The following ASTN2 variants were observed in gnomAD, a reference collection of about 807,000 sequenced individuals.
ASTN2 encodes astrotactin 2.
Under a neutral mutation model 139.8 loss-of-function variants are expected in ASTN2, and 54 were observed. That is an observed-to-expected ratio of 0.39 (90% CI 0.31 to 0.48). ASTN2 has a LOEUF of 0.48. ASTN2 is among the 20% of genes least tolerant of loss of function. The pLI, the probability that ASTN2 is intolerant of heterozygous loss-of-function variation, is 0.95. For synonymous variants in ASTN2, 756 were observed against 719.5 expected (o/e 1.05, Z -0.81); for missense variants, 1,565 against 1,725.1 (o/e 0.91, Z 1.64).
intron 5 of ASTN2, among the ~76,000 whole-genome samples, chr9:117,042,435 G>T (rs1219695641): frequency 6.6e-6 from 1 of 152,104 alleles, no homozygotes; most frequent in African/African-American, 2.4e-5. Flanking sequence ...ATGGCTTATG[G>T]TAGGAACTAT....
chr9:117,299,318 T>C (rs932795608), intron 1 of ASTN2, among the ~76,000 whole-genome samples: 14 of 152,196 alleles, frequency 9.2e-5, no homozygotes, highest in African/African-American at 3.4e-4. Flanking sequence ...CAACCTCTTC[T>C]GAGAGCTGGC....
chr9:117,042,014 C>T (rs1305177814), intron 5 of ASTN2, among the ~76,000 whole-genome samples: 1 of 152,122 alleles, frequency 6.6e-6, no homozygotes, highest in Non-Finnish European at 1.5e-5. Context: ...GCGTCTTTTG[C>T]TTACCATTAT....
At chr9:116,448,143 G>A (rs1848061951) in intron 20 of ASTN2, among the ~76,000 whole-genome samples, 1 of 152,296 alleles carries the variant, frequency 6.6e-6, no homozygotes, top group African/African-American at 2.4e-5. Context: ...GGCATTCTGG[G>A]GAGGCAAAAG....
At chr9:117,088,224 T>C (rs1828617685) in intron 5 of ASTN2, among the ~76,000 whole-genome samples, 1 of 152,146 alleles carries the variant, frequency 6.6e-6, no homozygotes, top group Non-Finnish European at 1.5e-5. Context: ...CGGCCTCATT[T>C]TCCATCATTC....
At chr9:117,189,470 C>G (rs1318352470) in intron 3 of ASTN2, among the ~76,000 whole-genome samples, 1 of 152,206 alleles carries the variant, frequency 6.6e-6, no homozygotes. Context: ...CCAGTATTAA[C>G]TTGCTGTGTA....
intron 2 of ASTN2, among the ~76,000 whole-genome samples, chr9:117,271,109 G>C (rs977082897): frequency 6.6e-6 from 1 of 152,192 alleles, no homozygotes; most frequent in African/African-American, 2.4e-5. Context: ...TTTTTATGCT[G>C]CTGATAAAGA....
intron 11 of ASTN2, among the ~76,000 whole-genome samples, chr9:116,830,726 A>ATTCT (rs1831785581): frequency 6.7e-6 from 1 of 149,350 alleles, no homozygotes; most frequent in African/African-American, 2.5e-5. Context: ...CAGGAGGCGG[A>ATTCT]GGTCACAGTG....
chr9:116,808,958 A>G (rs768922166), intron 12 of ASTN2, among the ~76,000 whole-genome samples: 2 of 152,096 alleles, frequency 1.3e-5, no homozygotes, highest in Admixed American at 6.5e-5. Flanking sequence ...TTATCCATTA[A>G]TATGCATTGA....
chr9:117,113,173 C>G (rs113263609), intron 4 of ASTN2, among the ~76,000 whole-genome samples: 1 of 152,260 alleles, frequency 6.6e-6, no homozygotes, highest in African/African-American at 2.4e-5. Context: ...GGAAAAAAAC[C>G]CTATTTCTCA....
chr9:116,651,662 T>C lies in ASTN2; in HGVS notation c.2938A>G (p.Lys980Glu). The change falls in exon 17 of 23, where the codon AAG (lysine) becomes GAG (glutamate). Residue 980 changes from lysine (K) to glutamate (E), a missense_variant. This residue lies in a region of ASTN2 where 418 missense variants were observed against 465.8 expected (regional missense o/e 0.90). Transcript: ENST00000313400. The part of the protein sequence containing the change: ...ISGVEIRCEE[K>E]GRCPSTCHLC... ...TGACAGGTAGATGGACAGCGCCCCTTCTCCTCACAGCGAATCTCCACACCT... is the reference window on the plus strand; with the variant it reads ...TGACAGGTAGATGGACAGCGCCCCTCCTCCTCACAGCGAATCTCCACACCT... 1 of 1,614,064 alleles carries C rather than the reference T, an allele frequency of 6.2e-7. No homozygotes were observed. Among genetic ancestry groups the C allele is most frequent in the African/African-American group, 1.3e-5 (1 of 75,014 alleles).
chr9:116,835,463 T>A (rs111233743), intron 11 of ASTN2, among the ~76,000 whole-genome samples: 6,163 of 152,234 alleles, frequency 0.04, 302 homozygotes, highest in African/African-American at 0.12. Context: ...ACCCTCCCAA[T>A]CCTAAAGAGA....
At chr9:117,266,419 A>T (rs77614094) in intron 2 of ASTN2, among the ~76,000 whole-genome samples, 1 of 152,164 alleles carries the variant, frequency 6.6e-6, no homozygotes, top group African/African-American at 2.4e-5. Context: ...GAAAAAAAAA[A>T]TTGGCAAGTT....
At chr9:116,955,056 T>G (rs910072187) in intron 10 of ASTN2, among the ~76,000 whole-genome samples, 3 of 152,372 alleles carry the variant, frequency 2.0e-5, no homozygotes, top group Middle Eastern at 3.4e-3. Flanking sequence ...AGGCACAAGA[T>G]GACAGGGATG....
chr9:116,979,901 C>T (rs1218352440), intron 7 of ASTN2, among the ~76,000 whole-genome samples: 2 of 152,146 alleles, frequency 1.3e-5, no homozygotes, highest in Admixed American at 1.3e-4. Context: ...GAAATTTATT[C>T]AGAAAAAGGG....
At chr9:117,160,106 C>T (rs2132899146) in intron 3 of ASTN2, among the ~76,000 whole-genome samples, 1 of 152,094 alleles carries the variant, frequency 6.6e-6, no homozygotes. Context: ...CAAAGTAAGC[C>T]AGATGGCCAA....
At chr9:117,371,238 G>C (rs1829982599) in intron 1 of ASTN2, among the ~76,000 whole-genome samples, 1 of 152,156 alleles carries the variant, frequency 6.6e-6, no homozygotes, top group Non-Finnish European at 1.5e-5. Context: ...ACAATCCCGA[G>C]GGAAGGCCAA....
At chr9:117,110,005 G>A (rs1476990477) in intron 4 of ASTN2, among the ~76,000 whole-genome samples, 1 of 151,904 alleles carries the variant, frequency 6.6e-6, no homozygotes, top group African/African-American at 2.4e-5. Flanking sequence ...TCTGAAATAC[G>A]CCTATTTCAC....
chr9:116,698,104 A>AG lies in ASTN2; in HGVS notation c.2806+27666dup. On this transcript the variant is annotated intron_variant, in intron 16 of 22. Coordinates refer to ENST00000313400, the MANE Select transcript of ASTN2 (RefSeq NM_001365068.1). The surrounding 1 kb of genome is among the most constrained non-coding windows in gnomAD (Gnocchi z 4.4). ...CGGAGCTGTGGTTTGGTGTTATGTGAGCCCTGCCGGGAGGCAGACCATCAG... is the reference window on the plus strand; with the variant it reads ...CGGAGCTGTGGTTTGGTGTTATGTGAGGCCCTGCCGGGAGGCAGACCATCAG... 6.2e-7 allele frequency: 1 copy of AG among 1,614,096 alleles called. No individual in the cohort carries two copies. The highest frequency in any genetic ancestry group is 8.5e-7 in the Non-Finnish European group (1 of 1,180,032).
At position 117,253,536 on chromosome 9, in the gene ASTN2, G is replaced by T. The variant is rs560510669; in HGVS notation, c.630+37790C>A. 2.9e-3 allele frequency among the ~76,000 whole-genome samples: 441 copies of T among 152,302 alleles called. 5 individuals carry two copies. Among genetic ancestry groups the T allele is most frequent in the African/African-American group, 9.9e-3 (412 of 41,560 alleles). On this transcript the variant is annotated intron_variant, in intron 2 of 22. Transcript: ENST00000313400. ...TGGACATTGTGACAAAAGCAAGGGA[G>T]GGACATCCATTTAGTGAGGACTTTC...
Sources: gnomAD v4.1 joint callset for allele counts (sites outside exome capture counted in the v4.1 genomes callset) on GRCh38, gnomAD v4.1.1 for gene constraint, gnomAD v4.1.1 regional missense constraint, Gnocchi (gnomAD v3.1) non-coding constraint, MANE v1.5 for transcripts, NCBI Gene and HGNC (gene_info 2026-07-23, HGNC 2026-07-21) for gene names.